Variants in UBE2E2 observed in about 807,000 individuals in gnomAD.
The protein encoded by UBE2E2 is ubiquitin-conjugating enzyme E2 E2.
Under a neutral mutation model 24.7 loss-of-function variants are expected in UBE2E2, and 6 were observed. The ratio of observed to expected loss-of-function variants is 0.24; its 90% confidence interval spans 0.13 to 0.48. The LOEUF (loss-of-function observed/expected upper bound fraction) is 0.48. UBE2E2 is among the 20% of genes least tolerant of loss of function. The pLI, the probability that UBE2E2 is intolerant of heterozygous loss-of-function variation, is 0.99. For synonymous variants in UBE2E2, 104 were observed against 83.6 expected, an observed-to-expected ratio of 1.24 and a Z score of -1.33; for missense variants, 169 against 245.0, an observed-to-expected ratio of 0.69 and a Z score of 2.07.
chr3:23,300,427 G>C (rs1419123666), intron 3 of UBE2E2, among the ~76,000 whole-genome samples: 1 of 152,142 alleles, frequency 6.6e-6, no homozygotes, highest in African/African-American at 2.4e-5. Context: ...GGTACCGGTT[G>C]TCCCTTTCCA....
At chr3:23,233,236 A>T (rs1198126470) in intron 3 of UBE2E2, among the ~76,000 whole-genome samples, 2 of 152,188 alleles carry the variant, frequency 1.3e-5, no homozygotes, top group Non-Finnish European at 2.9e-5. Flanking sequence ...GTGGGGCAGG[A>T]TTGGACAGGA....
intron 3 of UBE2E2, among the ~76,000 whole-genome samples, chr3:23,431,002 A>G (rs1481962029): frequency 6.6e-6 from 1 of 152,184 alleles, no homozygotes; most frequent in African/African-American, 2.4e-5. Context: ...GCAGTAGCCT[A>G]CAGCCTTTAC....
At chr3:23,491,814 G>A (rs1014677706) in intron 3 of UBE2E2, among the ~76,000 whole-genome samples, 19 of 152,192 alleles carry the variant, frequency 1.2e-4, no homozygotes, top group African/African-American at 4.6e-4. Flanking sequence ...TTGGAGGGAA[G>A]CACAACTGGA....
Position 23,203,472 on chromosome 3 carries a change from C to T in UBE2E2, c.-9+8C>T. On this transcript the variant is annotated splice_region_variant and intron_variant, in intron 1 of 5. Coordinates refer to ENST00000396703, the MANE Select transcript of UBE2E2 (RefSeq NM_152653.4). ...CGGACACCCCCCCCTCAGGTATTCG[C>T]TCGGGCCGCGCCGGTGCCTCCCCTC... 1.0e-6 allele frequency: 1 copy of T among 969,038 alleles called. No individual in the cohort carries two copies. The highest frequency in any genetic ancestry group is 1.2e-6 in the Non-Finnish European group (1 of 825,436). 60.0% of individuals were successfully genotyped at this position (969,038 alleles called of 1,614,324 possible). A position where few individuals can be genotyped will look rare whatever the true frequency, so the allele number is the denominator to read the frequency against.
intron 3 of UBE2E2, among the ~76,000 whole-genome samples, chr3:23,421,247 A>AT (rs1265557699): frequency 2.0e-5 from 3 of 152,188 alleles, no homozygotes; most frequent in Non-Finnish European, 4.4e-5. Context: ...ACTCTACATA[A>AT]TTAGGTGATG....
chr3:23,236,577 G>A (rs1029839639), intron 3 of UBE2E2, among the ~76,000 whole-genome samples: 4 of 151,302 alleles, frequency 2.6e-5, no homozygotes, highest in Admixed American at 2.0e-4. Flanking sequence ...ATTTCTCACA[G>A]GAGAAGAAGT....
intron 3 of UBE2E2, among the ~76,000 whole-genome samples, chr3:23,248,874 C>T (rs1697494272): frequency 6.6e-6 from 1 of 152,234 alleles, no homozygotes; most frequent in South Asian, 2.1e-4. Flanking sequence ...GCTAGAGGAA[C>T]ATTGGCTGTT....
chr3:23,540,696 C>T (rs774943856), intron 5 of UBE2E2, among the ~76,000 whole-genome samples: 6 of 152,124 alleles, frequency 3.9e-5, no homozygotes, highest in Non-Finnish European at 8.8e-5. Context: ...AGCCACCGTG[C>T]CTGGCAGACT....
chr3:23,486,642 G>A (rs1298531136), intron 3 of UBE2E2, among the ~76,000 whole-genome samples: 1 of 152,168 alleles, frequency 6.6e-6, no homozygotes, highest in Non-Finnish European at 1.5e-5. Context: ...GACAACTGGA[G>A]GGTGAGCAAG....
At chr3:23,509,479 C>G (rs1014304739) in intron 4 of UBE2E2, among the ~76,000 whole-genome samples, 1 of 152,142 alleles carries the variant, frequency 6.6e-6, no homozygotes. Context: ...AGCTGGGATA[C>G]AGTAGGCAGG....
At position 23,270,037 on chromosome 3, in the gene UBE2E2, G is replaced by T. The variant is rs543105314; in HGVS notation, c.227+52725G>T. Reference sequence around the variant, plus strand: ...CCAGAAATGCCTTGTCCTGGTGCAGGCCCCGAGTAGCTCATCCATTTCCTG... The same window carrying T: ...CCAGAAATGCCTTGTCCTGGTGCAGTCCCCGAGTAGCTCATCCATTTCCTG... On this transcript the variant is annotated intron_variant, in intron 3 of 5. Coordinates refer to ENST00000396703, the MANE Select transcript of UBE2E2 (RefSeq NM_152653.4). Among the ~76,000 whole-genome samples, 8 of 152,050 alleles carry T rather than the reference G, an allele frequency of 5.3e-5. No homozygotes were observed. The South Asian group carries it at 1.7e-3, about 32-fold the overall frequency.
At chr3:23,585,508 G>A (rs1026722788) in intron 5 of UBE2E2, among the ~76,000 whole-genome samples, 4 of 152,070 alleles carry the variant, frequency 2.6e-5, no homozygotes, top group East Asian at 1.9e-4. Context: ...TCTGCCTCAG[G>A]AAACCTCTAA....
At chr3:23,562,192 A>G (rs996719379) in intron 5 of UBE2E2, among the ~76,000 whole-genome samples, 5 of 151,996 alleles carry the variant, frequency 3.3e-5, no homozygotes, top group African/African-American at 1.2e-4. Context: ...TCAGTATGAT[A>G]TTGGCTGTGG....
chr3:23,531,011 T>C (rs1379631781), intron 4 of UBE2E2, among the ~76,000 whole-genome samples: 2 of 152,206 alleles, frequency 1.3e-5, no homozygotes, highest in Non-Finnish European at 2.9e-5. Flanking sequence ...TTCTTCAACA[T>C]TTCTAGGCAT....
chr3:23,303,832 C>G (rs1311047481), intron 3 of UBE2E2, among the ~76,000 whole-genome samples: 1 of 152,122 alleles, frequency 6.6e-6, no homozygotes, highest in East Asian at 1.9e-4. Flanking sequence ...TAACTTCTGA[C>G]CATTCTTGGC....
chr3:23,355,490 A>C (rs756537991), intron 3 of UBE2E2, among the ~76,000 whole-genome samples: 3 of 152,230 alleles, frequency 2.0e-5, no homozygotes, highest in Admixed American at 6.5e-5. Context: ...TTAAACAGCC[A>C]AAGCAAAGTG....
chr3:23,557,342 A>T (rs1695815628), intron 5 of UBE2E2, among the ~76,000 whole-genome samples: 1 of 152,162 alleles, frequency 6.6e-6, no homozygotes, highest in African/African-American at 2.4e-5. Flanking sequence ...TCTATTTTAC[A>T]ATCCTTTGTA....
chr3:23,410,120 G>A (rs1697463991), intron 3 of UBE2E2, among the ~76,000 whole-genome samples: 1 of 152,132 alleles, frequency 6.6e-6, no homozygotes. Flanking sequence ...TGGGTAAGCA[G>A]GAGGATAAGT....
At chr3:23,365,128 A>G (rs1696220327) in intron 3 of UBE2E2, among the ~76,000 whole-genome samples, 1 of 152,224 alleles carries the variant, frequency 6.6e-6, no homozygotes, top group Admixed American at 6.5e-5. Context: ...GTACTTCAAA[A>G]TAATAAGAGC....
Sources: allele counts gnomAD v4.1 joint callset (sites outside exome capture counted in the v4.1 genomes callset), GRCh38; gene constraint gnomAD v4.1.1; transcripts MANE v1.5; gene names NCBI Gene and HGNC (gene_info 2026-07-23, HGNC 2026-07-21).